RPS3: variants seen among roughly 807,000 people sequenced by gnomAD.
RPS3 encodes the protein small ribosomal subunit protein uS3.
RPS3 carries 2 observed loss-of-function variants against 25.8 expected under a neutral mutation model. The ratio of observed to expected loss-of-function variants is 0.08; its 90% CI spans 0.03 to 0.24. The LOEUF (loss-of-function observed/expected upper bound fraction) is 0.24, where lower values mean the gene tolerates loss of function less well. RPS3 is among the 10% of genes least tolerant of loss of function. The probability of loss-of-function intolerance (pLI) is 1.00; values close to 1 mark genes in which losing one functional copy is unlikely to be tolerated. For synonymous variants in RPS3, 114 were observed against 114.2 expected, an observed-to-expected ratio of 1.00 and a Z score of 0.01; for missense variants, 107 against 307.1, an observed-to-expected ratio of 0.35 and a Z score of 4.87.
At chr11:75,414,894 GA>G (rs557206908) in intron 6 of RPS3, among the ~76,000 whole-genome samples, 165 of 152,264 alleles carry the variant, frequency 1.1e-3, no homozygotes, top group Admixed American at 6.1e-3. Flanking sequence ...TTTTTTGGGG[GA>G]TCCACTCCCA....
chr11:75,412,263 T>C lies in RPS3; in HGVS notation c.*3+7395T>C, dbSNP rs546035276. ...ATTTATGTCCCCCCAAATTCTTATG[T>C]TGAAGCCCTAACCTCCAGCACGACT... On this transcript the variant is annotated intron_variant, in intron 6 of 6. Coordinates refer to the RPS3 transcript ENST00000527446. Among the ~76,000 whole-genome samples the C allele has an allele frequency of 2.6e-5, 4 of 152,334 alleles. No homozygotes were observed. In the South Asian group the frequency reaches 6.2e-4, roughly 24 times the overall value.
downstream of RPS3, among the ~76,000 whole-genome samples, chr11:75,408,668 C>T (rs1222212581): frequency 6.6e-6 from 1 of 151,986 alleles, no homozygotes; most frequent in African/African-American, 2.4e-5. Flanking sequence ...ACCTCAGCCT[C>T]CTGAGTAGCT....
At chr11:75,413,205 A>G (rs989439042) in intron 6 of RPS3, among the ~76,000 whole-genome samples, 2 of 151,610 alleles carry the variant, frequency 1.3e-5, no homozygotes, top group Admixed American at 6.6e-5. Context: ...GGCGCTCTCC[A>G]CTGTGTTTCT....
intron 6 of RPS3, among the ~76,000 whole-genome samples, chr11:75,415,128 G>A (rs151254570): frequency 3.2e-4 from 49 of 152,284 alleles, no homozygotes; most frequent in Non-Finnish European, 5.1e-4. Context: ...GTGGTGAGGC[G>A]AGTGGGAACA....
In RPS3 at chr11:75,401,370, A is replaced by C. The variant is rs947462082; in HGVS notation, c.162-270A>C. ...AAAATAAAAAAGGGTGTGGTGGTGC[A>C]TGCATGTGGTCCCACCTATTCCAGA... is the stretch of plus-strand genomic sequence containing the variant. On this transcript the variant is annotated intron_variant, in intron 2 of 6. Transcript: ENST00000531188. 3.3e-5 allele frequency among the ~76,000 whole-genome samples: 5 copies of C among 152,152 alleles called. No individual in the cohort carries two copies. The South Asian group carries it at 1.0e-3, about 32-fold the overall frequency.
chr11:75,400,648 G>C (rs372482284), intron 1 of RPS3, 46 bp from the exon 2 acceptor site: 2 of 1,602,430 alleles, frequency 1.2e-6, no homozygotes, highest in African/African-American at 2.7e-5. Flanking sequence ...GCGAAAGTGA[G>C]CCTACACCGA....
chr11:75,407,872 G>T (rs186046094), downstream of RPS3, among the ~76,000 whole-genome samples: 342 of 152,342 alleles, frequency 2.2e-3, 2 homozygotes, highest in African/African-American at 8.0e-3. Flanking sequence ...AGTCCACTTG[G>T]AAGTTCAGCC....
intron 6 of RPS3, among the ~76,000 whole-genome samples, chr11:75,417,802 A>C (rs1436745155): frequency 6.6e-6 from 1 of 152,100 alleles, no homozygotes; most frequent in Non-Finnish European, 1.5e-5. Flanking sequence ...GTCCCAGGGG[A>C]CTGAACTGCT....
chr11:75,416,827 T>C (rs1023799669), intron 6 of RPS3, among the ~76,000 whole-genome samples: 1 of 152,252 alleles, frequency 6.6e-6, no homozygotes, highest in African/African-American at 2.4e-5. Context: ...GCATCAGAGC[T>C]GGAAAACATT....
At chr11:75,401,209 C>G (rs574093870) in intron 2 of RPS3, among the ~76,000 whole-genome samples, 1 of 152,268 alleles carries the variant, frequency 6.6e-6, no homozygotes, top group African/African-American at 2.4e-5. Context: ...CTTAAGGGGA[C>G]AGACGGAACA....
intron 6 of RPS3, among the ~76,000 whole-genome samples, chr11:75,421,155 G>T (rs1033218110): frequency 1.3e-5 from 2 of 152,208 alleles, no homozygotes; most frequent in Non-Finnish European, 2.9e-5. Flanking sequence ...GTGTCCAGAT[G>T]GTCACAGGCT....
At chr11:75,417,593 TCA>T (rs560522885) in intron 6 of RPS3, among the ~76,000 whole-genome samples, 4 of 152,210 alleles carry the variant, frequency 2.6e-5, no homozygotes, top group African/African-American at 9.6e-5. Context: ...TGAGACTCCG[TCA>T]CACACACACA....
At chr11:75,399,878 G>C (rs1948179013) in intron 1 of RPS3, 6 of 513,050 alleles carry the variant, frequency 1.2e-5, no homozygotes, top group Admixed American at 1.1e-4. Flanking sequence ...TATTTTGAGG[G>C]CGTGTGTCAT....
At chr11:75,410,838 C>T (rs1383686984), downstream of RPS3, among the ~76,000 whole-genome samples, 1 of 152,238 alleles carries the variant, frequency 6.6e-6, no homozygotes, top group African/African-American at 2.4e-5. Context: ...AAACGAAAAC[C>T]ATTCAGGCGT....
chr11:75,409,004 A>AG (rs966834492), downstream of RPS3, among the ~76,000 whole-genome samples: 9 of 151,844 alleles, frequency 5.9e-5, no homozygotes, highest in African/African-American at 2.2e-4. Context: ...TTTTTGAGAC[A>AG]GGGTCTGGCT....
At chr11:75,418,627 T>A (rs1471329463) in intron 6 of RPS3, among the ~76,000 whole-genome samples, 1 of 152,178 alleles carries the variant, frequency 6.6e-6, no homozygotes, top group Non-Finnish European at 1.5e-5. Context: ...TAAAAAAAAA[T>A]TTTAGAATGT....
chr11:75,407,427 C>T (rs527437160), downstream of RPS3, among the ~76,000 whole-genome samples: 33 of 152,288 alleles, frequency 2.2e-4, no homozygotes, highest in South Asian at 4.1e-4. Flanking sequence ...CGTGAGCCAC[C>T]GCACCCAGCC....
At chr11:75,409,096 T>G (rs1948316925), downstream of RPS3, among the ~76,000 whole-genome samples, 1 of 152,088 alleles carries the variant, frequency 6.6e-6, no homozygotes, top group Non-Finnish European at 1.5e-5. Flanking sequence ...ATCCTCCCAC[T>G]TCAACCTCCC....
chr11:75,401,976 G>C, intron 3 of RPS3: 1 of 559,590 alleles, frequency 1.8e-6, no homozygotes, highest in South Asian at 2.3e-5. Context: ...GTCCCCATTG[G>C]TGTACTTGGC....
Sources: allele counts gnomAD v4.1 joint callset (sites outside exome capture counted in the v4.1 genomes callset), GRCh38; gene constraint gnomAD v4.1.1; transcripts MANE v1.5; gene names NCBI Gene and HGNC (gene_info 2026-07-23, HGNC 2026-07-21).